ENTR1: variants seen among roughly 807,000 people sequenced by gnomAD.
The protein encoded by ENTR1 is endosome-associated-trafficking regulator 1.
A neutral mutation model predicts 47.9 loss-of-function variants in ENTR1; 47 were observed. That is an observed-to-expected ratio of 0.98 (90% confidence interval 0.78 to 1.25). The LOEUF (loss-of-function observed/expected upper bound fraction) is 1.25. ENTR1 is among the 50% of genes most tolerant of loss of function. The pLI is 0.00. For missense variants in ENTR1, 668 were observed against 570.5 expected (o/e 1.17, Z -1.74); for synonymous variants, 290 against 245.8 (o/e 1.18, Z -1.68).
Position 136,410,474 on chromosome 9 carries a change from G to GGCCCGCGTCGCCCGCCCCCGTCGCCC in ENTR1, c.-103_-78dup. On this transcript the variant is annotated 5_prime_UTR_variant, in exon 1 of 10. Coordinates refer to ENST00000357365, the MANE Select transcript of ENTR1 (RefSeq NM_001039707.2). ...ATGGCCCCGGCTCCGCCCGTGCCGC[G>GGCCCGCGTCGCCCGCCCCCGTCGCCC]GCCCGCGTCGCCCGCCCCCGTCGCC... The GGCCCGCGTCGCCCGCCCCCGTCGCCC allele has an allele frequency of 3.0e-6, 3 of 993,250 alleles. No homozygotes were observed. Among genetic ancestry groups the GGCCCGCGTCGCCCGCCCCCGTCGCCC allele is most frequent in the Non-Finnish European group, 3.6e-6 (3 of 825,032 alleles). 61.5% of individuals were successfully genotyped at this position (993,250 alleles called of 1,614,324 possible). A position where few individuals can be genotyped will look rare whatever the true frequency, so the allele number is the denominator to read the frequency against.
At position 136,407,199 on chromosome 9, in the gene ENTR1, A is replaced by G. The variant is rs767927601; in HGVS notation, c.765T>C (p.His255=). ...GGTGCCTGTCTCCCAGAGACTCTCCATGAACCGCAAAGTCTGCGCTAGGAC... is the reference window on the plus strand; with the variant it reads ...GGTGCCTGTCTCCCAGAGACTCTCCGTGAACCGCAAAGTCTGCGCTAGGAC... ...AGSPSADFAV[H]GESLGDRHLR... The change falls in exon 5 of 10, where the codon CAT becomes CAC. Residue 255 remains histidine (H), a synonymous_variant. Coordinates refer to ENST00000357365, the MANE Select transcript of ENTR1 (RefSeq NM_001039707.2). 6 of 1,612,624 alleles carry G rather than the reference A, an allele frequency of 3.7e-6. No individual in the cohort carries two copies. Among genetic ancestry groups the G allele is most frequent in the Admixed American group, 1.7e-5 (1 of 60,006 alleles).
At chr9:136,409,225 A>G (rs1432170125) in intron 2 of ENTR1, among the ~76,000 whole-genome samples, 158 bp from the exon 3 acceptor site, 1 of 151,440 alleles carries the variant, frequency 6.6e-6, no homozygotes, top group East Asian at 1.9e-4. Context: ...CTGTCGCCCA[A>G]GCTGGAGTGC....
chr9:136,407,492 C>G lies in ENTR1; in HGVS notation c.472G>C (p.Glu158Gln), dbSNP rs201192721. 17 of 1,610,426 alleles carry G rather than the reference C, an allele frequency of 1.1e-5. No individual in the cohort carries two copies. The East Asian group carries it at 3.3e-4, about 32-fold the overall frequency. ...TCCTCGAAAAATGGCTGCTGATACT[C>G]CAGGCCATACCCGCCGGTTTGGGAG... ...PPSQTGGYGL[E>Q]YQQPFFEDPT... The change falls in exon 5 of 10, where the codon GAG becomes CAG. Residue 158 changes from glutamate to glutamine, a missense_variant. Glu to Gln is a conservative substitution (Grantham distance 29). Coordinates refer to ENST00000357365, the MANE Select transcript of ENTR1 (RefSeq NM_001039707.2).
intron 2 of ENTR1, 59 bp downstream of exon 2, chr9:136,410,031 G>C: frequency 6.3e-7 from 1 of 1,586,726 alleles, no homozygotes; most frequent in Non-Finnish European, 8.6e-7. Flanking sequence ...TGCAGCGGAG[G>C]TGCCACACGT....
At position 136,402,596 on chromosome 9, in the gene ENTR1, G is replaced by T. The variant is rs992519506; in HGVS notation, c.*192C>A. On this transcript the variant is annotated 3_prime_UTR_variant, in exon 10 of 10. Coordinates refer to ENST00000357365, the MANE Select transcript of ENTR1 (RefSeq NM_001039707.2). ...CAAGAAGGGCTGCATAGAAACCACA[G>T]AGACAACTCGGCCAGGGCTGCTCCC... 1 of 469,270 alleles carries T rather than the reference G, an allele frequency of 2.1e-6. No individual in the cohort carries two copies. The highest frequency in any genetic ancestry group is 3.4e-5 in the East Asian group (1 of 29,820). 29.1% of individuals were successfully genotyped at this position (469,270 alleles called of 1,614,324 possible).
At chr9:136,407,025 A>C (rs1380650903) in intron 5 of ENTR1, 120 bp downstream of exon 5, 3 of 1,007,422 alleles carry the variant, frequency 3.0e-6, no homozygotes, top group Non-Finnish European at 4.3e-6. Context: ...GCTGTCACGC[A>C]AATCGCCTTG....
chr9:136,407,809 C>T lies in ENTR1; in HGVS notation c.402+17G>A, dbSNP rs369289045. On this transcript the variant is annotated intron_variant, in intron 4 of 9. Coordinates refer to ENST00000357365, the MANE Select transcript of ENTR1 (RefSeq NM_001039707.2). ...AAACGTCCCACAGAGCCATCGCCCACAGTGCCGTGGATTTACCTTTGCATA... is the reference window on the plus strand; with the variant it reads ...AAACGTCCCACAGAGCCATCGCCCATAGTGCCGTGGATTTACCTTTGCATA... 1.1e-5 allele frequency: 18 copies of T among 1,568,544 alleles called. No homozygotes were observed. The Admixed American group carries it at 1.5e-4, about 13-fold the overall frequency.
intron 3 of ENTR1, among the ~76,000 whole-genome samples, chr9:136,408,618 G>A (rs941828291): frequency 5.3e-5 from 8 of 152,108 alleles, no homozygotes; most frequent in Admixed American, 1.3e-4. Flanking sequence ...GTGCTGCAAC[G>A]CTGGGGACCC....
chr9:136,402,805 C>T lies in ENTR1; in HGVS notation c.1291G>A (p.Glu431Lys), dbSNP rs751522686. ...AGGGGTCCTCAAGAGTCTTCCTCCT[C>T]GTCTTTAACTTCAGAAATTCTGTCT... is the stretch of plus-strand genomic sequence containing the variant. ...SIDRISEVKD[E>K]EEDS The change falls in exon 10 of 10, where the codon GAG (glutamate) becomes AAG (lysine). Residue 431 changes from glutamate to lysine, a missense_variant. By Grantham distance (56) the Glu-to-Lys change is moderately conservative. Transcript: ENST00000357365. 6.8e-6 allele frequency: 11 copies of T among 1,612,786 alleles called. No homozygotes were observed. Among genetic ancestry groups the T allele is most frequent in the East Asian group, 2.2e-5 (1 of 44,850 alleles).
rs1465847916 is a variant in ENTR1 at position 136,405,887 on chromosome 9, A to C, written c.893+18T>G. The C allele has an allele frequency of 6.6e-7, 1 of 1,524,656 alleles. No homozygotes were observed. The highest frequency in any genetic ancestry group is 1.9e-5 in the Admixed American group (1 of 51,452). The allele number at this position is 1,524,656 out of a possible 1,614,324, so 94.4% of individuals were successfully genotyped here. On this transcript the variant is annotated intron_variant, in intron 6 of 9. Coordinates refer to ENST00000357365, the MANE Select transcript of ENTR1 (RefSeq NM_001039707.2). ...ATTAGATGTTGTGGATTGCATTCCT[A>C]ACTAAAAGCTTACATACATTTCTGT...
rs1448852078 is a variant in ENTR1, at chr9:136,405,320, G to A, written c.894-118C>T. 4 of 775,926 alleles carry A rather than the reference G, an allele frequency of 5.2e-6. No individual in the cohort carries two copies. The East Asian group carries it at 1.1e-4, about 21-fold the overall frequency. The allele number at this position is 775,926 out of a possible 1,614,324, so 48.1% of individuals were successfully genotyped here. On this transcript the variant is annotated intron_variant, in intron 6 of 9. Transcript: ENST00000357365. Reference sequence around the variant, plus strand: ...GAGCCTGTGATGGAATGGGTCTCAGGCACAGAGGGGAGGCAGCGGCAGCCT... The same window carrying A: ...GAGCCTGTGATGGAATGGGTCTCAGACACAGAGGGGAGGCAGCGGCAGCCT...
At position 136,410,073 on chromosome 9, in the gene ENTR1, G is replaced by C. The variant is rs767192492; in HGVS notation, c.220+17C>G. The C allele has an allele frequency of 6.2e-7, 1 of 1,612,470 alleles. No individual in the cohort carries two copies. The highest frequency in any genetic ancestry group is 8.5e-7 in the Non-Finnish European group (1 of 1,179,842). ...GGAACTGGAAGCGTCCCCGGGGCCG[G>C]CGCCCTCGTCTCTCACCTGTGTCTC... On this transcript the variant is annotated intron_variant, in intron 2 of 9. Transcript: ENST00000357365.
intron 5 of ENTR1, 184 bp downstream of exon 5, chr9:136,406,961 G>C: frequency 1.6e-6 from 1 of 606,596 alleles, no homozygotes; most frequent in South Asian, 2.2e-5. Flanking sequence ...CTCTTTAGCC[G>C]GTTCTATTCC....
rs898609812 is a variant in ENTR1 at position 136,402,098 on chromosome 9, T to C, written c.*690A>G. The stretch of plus-strand genomic sequence containing the variant: ...GGACCTGACAGACCCGGGCACATAC[T>C]TGAAATTCCTGAATTCTAACCTGCA... On this transcript the variant is annotated 3_prime_UTR_variant, in exon 10 of 10. Coordinates refer to ENST00000357365, the MANE Select transcript of ENTR1 (RefSeq NM_001039707.2). The C allele has an allele frequency of 2.6e-5, 4 of 152,854 alleles. No individual in the cohort carries two copies. The highest frequency in any genetic ancestry group is 1.9e-4 in the East Asian group (1 of 5,336). 9.5% of individuals were successfully genotyped at this position (152,854 alleles called of 1,614,324 possible). A position where few individuals can be genotyped will look rare whatever the true frequency, so the allele number is the denominator to read the frequency against.
At position 136,405,112 on chromosome 9, in the gene ENTR1, C is replaced by T. The variant is rs985539464; in HGVS notation, c.984G>A (p.Glu328=). 1.2e-6 allele frequency: 2 copies of T among 1,613,712 alleles called. No homozygotes were observed. Among genetic ancestry groups the T allele is most frequent in the Non-Finnish European group, 1.7e-6 (2 of 1,179,798 alleles). Reference sequence around the variant, plus strand: ...ATACGGTCATCAGCTCCAGGTTCTGCTCCACCTGCTGAACCACCGACTCCA... The same window carrying T: ...ATACGGTCATCAGCTCCAGGTTCTGTTCCACCTGCTGAACCACCGACTCCA... ...HDLESVVQQV[E]QNLELMTKRA... Residue 328 remains glutamate, a synonymous_variant, in exon 7 of 10, where the codon GAG becomes GAA. Coordinates refer to ENST00000357365, the MANE Select transcript of ENTR1 (RefSeq NM_001039707.2).
rs1223800262 is a variant in ENTR1 at position 136,404,046 on chromosome 9, G to A, written c.1208+9C>T. 6.4e-7 allele frequency: 1 copy of A among 1,571,602 alleles called. No homozygotes were observed. Among genetic ancestry groups the A allele is most frequent in the South Asian group, 1.1e-5 (1 of 87,900 alleles). ...CCGCCAGGCTTCCCGGTGCCTCCCA[G>A]GCACTCACTTGATGGAAGCCTGTGC... On this transcript the variant is annotated intron_variant, in intron 9 of 9. Transcript: ENST00000357365.
intron 6 of ENTR1, among the ~76,000 whole-genome samples, chr9:136,405,501 C>A (rs374998650): frequency 6.6e-6 from 1 of 152,218 alleles, no homozygotes; most frequent in Non-Finnish European, 1.5e-5. Context: ...ACTTTAGGAG[C>A]CTGAGGCAGG....
intron 8 of ENTR1, 128 bp from the exon 9 acceptor site, chr9:136,404,322 G>T: frequency 7.7e-7 from 1 of 1,301,080 alleles, no homozygotes. Flanking sequence ...GCCTAACTGG[G>T]GGCTCGCCTC....
intron 5 of ENTR1, 100 bp downstream of exon 5, chr9:136,407,045 T>C: frequency 1.6e-6 from 2 of 1,275,956 alleles, no homozygotes; most frequent in Middle Eastern, 2.9e-4. Context: ...GTCCTGGAAA[T>C]CAAACCAGGC....
Sources: gnomAD v4.1 joint callset for allele counts (sites outside exome capture counted in the v4.1 genomes callset) on GRCh38, gnomAD v4.1.1 for gene constraint, MANE v1.5 for transcripts, NCBI Gene and HGNC (gene_info 2026-07-23, HGNC 2026-07-21) for gene names.